Variants in SYNE2 observed in about 807,000 individuals in gnomAD.
SYNE2 encodes nesprin-2.
A neutral mutation model predicts 856.3 loss-of-function variants in SYNE2; 431 were observed. That is an observed-to-expected ratio of 0.50 (90% CI 0.47 to 0.55). SYNE2 has a LOEUF of 0.55. Among genes scored for constraint, SYNE2 ranks in the 20% least tolerant of loss-of-function variants. The probability of loss-of-function intolerance (pLI) is 0.00; values close to 1 mark genes in which losing one functional copy is unlikely to be tolerated. For missense variants in SYNE2, 8,129 were observed against 8,023.2 expected (o/e 1.01, Z -0.50); for synonymous variants, 2,923 against 2,872.3 (o/e 1.02, Z -0.56).
intron 98 of SYNE2, among the ~76,000 whole-genome samples, chr14:64,189,206 C>T (rs984661170): frequency 2.0e-5 from 3 of 151,990 alleles, no homozygotes; most frequent in Non-Finnish European, 2.9e-5. Context: ...TGGTGGTGGG[C>T]ACCTGTAATC....
intron 1 of SYNE2, among the ~76,000 whole-genome samples, chr14:63,897,654 C>A (rs183847699): frequency 6.6e-6 from 1 of 152,198 alleles, no homozygotes; most frequent in Non-Finnish European, 1.5e-5. Context: ...CATTCGCAGC[C>A]GGTGCTGTTC....
chr14:63,998,256 T>A lies in SYNE2; in HGVS notation c.3281T>A (p.Val1094Glu), dbSNP rs758197919. The A allele has an allele frequency of 6.2e-7, 1 of 1,614,068 alleles. No individual in the cohort carries two copies. The highest frequency in any genetic ancestry group is 1.1e-5 in the South Asian group (1 of 91,080). ...EPTMKFSLASVLRPLQEESIM... is the reference protein window; with the variant it reads ...EPTMKFSLASELRPLQEESIM... ...ACTATGAAGTTTAGCCTGGCATCAG[T>A]GTTAAGGCCTCTGCAAGAAGAAAGC... is the stretch of plus-strand genomic sequence containing the variant. Residue 1094 changes from valine to glutamate, a missense_variant, in exon 26 of 116, where the codon GTG becomes GAG. Around this residue, in one of 3 missense-constraint regions of SYNE2, gnomAD observed 2,422 missense variants for 2,357.4 expected, o/e 1.03. Transcript: ENST00000555002.
intron 45 of SYNE2, among the ~76,000 whole-genome samples, chr14:64,032,846 AAAAG>A (rs2153548216): frequency 6.6e-6 from 1 of 152,304 alleles, no homozygotes; most frequent in Admixed American, 6.5e-5. Context: ...TTGTATGTGT[AAAAG>A]AAACTTTTAA....
intron 45 of SYNE2, among the ~76,000 whole-genome samples, chr14:64,042,891 A>T (rs1455611144): frequency 6.6e-6 from 1 of 152,212 alleles, no homozygotes; most frequent in Non-Finnish European, 1.5e-5. Flanking sequence ...GTGACTTAGG[A>T]ACTGGGTAAC....
chr14:64,209,114 G>A (rs747474972), intron 101 of SYNE2, 169 bp downstream of exon 101: 34 of 974,962 alleles, frequency 3.5e-5, no homozygotes, highest in Non-Finnish European at 5.1e-5. Context: ...AAATGTAACC[G>A]GAGTAATGTC....
At chr14:63,799,771 T>C (rs1389365029) in intron 1 of SYNE2, among the ~76,000 whole-genome samples, 1 of 152,196 alleles carries the variant, frequency 6.6e-6, no homozygotes, top group Non-Finnish European at 1.5e-5. Context: ...GGTAAATTAC[T>C]CAAGTATTTC....
rs749283302 is a variant in SYNE2, at chr14:64,212,808, C to T, written c.18862-3C>T. 3 of 1,614,108 alleles carry T rather than the reference C, an allele frequency of 1.9e-6. No homozygotes were observed. The South Asian group carries it at 3.3e-5, about 18-fold the overall frequency. ...AAATCCTTTCTTTCTCCTCTCTCAA[C>T]AGGGCTTCCAACAGGAAATTACATT... On this transcript the variant is annotated splice_polypyrimidine_tract_variant and splice_region_variant and intron_variant, in intron 104 of 115. Coordinates refer to ENST00000555002, the MANE Select transcript of SYNE2 (RefSeq NM_182914.3).
intron 46 of SYNE2, 131 bp from the exon 47 acceptor site, chr14:64,049,476 TTTAG>T (rs2153573414): frequency 5.2e-6 from 3 of 579,476 alleles, no homozygotes; most frequent in African/African-American, 2.1e-5. Context: ...AGGTTACAAC[TTTAG>T]TTACCCTGTG....
chr14:63,858,079 A>G (rs1177334598), intron 1 of SYNE2, among the ~76,000 whole-genome samples: 1 of 151,870 alleles, frequency 6.6e-6, no homozygotes, highest in Non-Finnish European at 1.5e-5. Flanking sequence ...AGGGTGAGAA[A>G]GAAGCAAAAT....
At position 64,226,174 on chromosome 14, in the gene SYNE2, C is replaced by T. The variant is rs2098717443; in HGVS notation, c.*648C>T. 1 of 152,546 alleles carries T rather than the reference C, an allele frequency of 6.6e-6. No homozygotes were observed. Among genetic ancestry groups the T allele is most frequent in the African/African-American group, 2.4e-5 (1 of 41,382 alleles). 9.4% of individuals were successfully genotyped at this position (152,546 alleles called of 1,614,324 possible). ...GCCCAATCTGTATGAATAATGTAAA[C>T]TTCGATTTTTTTTTAAAAAAATTAG... On this transcript the variant is annotated 3_prime_UTR_variant, in exon 116 of 116. Coordinates refer to ENST00000555002, the MANE Select transcript of SYNE2 (RefSeq NM_182914.3).
At chr14:63,895,916 A>G (rs566269633) in intron 1 of SYNE2, among the ~76,000 whole-genome samples, 1 of 152,276 alleles carries the variant, frequency 6.6e-6, no homozygotes, top group South Asian at 2.1e-4. Flanking sequence ...CTGTGACTTA[A>G]TTTATTTATA....
At chr14:64,098,244 G>A in intron 62 of SYNE2, 98 bp downstream of exon 62, 3 of 1,334,856 alleles carry the variant, frequency 2.2e-6, no homozygotes, top group Non-Finnish European at 2.1e-6. Flanking sequence ...TATGTCTATG[G>A]CCTGTAGTAA....
intron 111 of SYNE2, among the ~76,000 whole-genome samples, chr14:64,221,238 T>TTG (rs1226067366): frequency 6.6e-6 from 1 of 152,104 alleles, no homozygotes; most frequent in Non-Finnish European, 1.5e-5. Flanking sequence ...TCCTGTTGGG[T>TTG]TGTTTCCCTC....
At chr14:63,882,507 G>C (rs2094887514) in intron 1 of SYNE2, among the ~76,000 whole-genome samples, 1 of 151,466 alleles carries the variant, frequency 6.6e-6, no homozygotes, top group African/African-American at 2.4e-5. Flanking sequence ...CTTCAGTCCA[G>C]GAGTTCGAGA....
Position 63,981,151 on chromosome 14 carries a change from CAAAG to C in SYNE2, c.1817_1820del (p.Lys606ArgfsTer12). On this transcript the variant is annotated frameshift_variant, in exon 16 of 116. Transcript: ENST00000555002. LOFTEE classifies it high-confidence loss of function. ...TTACTAAGGGCTTGCTTTGAGGAGA[CAAAG>C]AAGGAAGAAATTAAAGAGGTATTTG... 1 of 1,613,432 alleles carries C rather than the reference CAAAG, an allele frequency of 6.2e-7. No homozygotes were observed. Among genetic ancestry groups the C allele is most frequent in the Non-Finnish European group, 8.5e-7 (1 of 1,179,612 alleles).
In SYNE2 at chr14:63,824,862, G is replaced by A. The variant is rs145010303; in HGVS notation, c.-304-27639G>A. On this transcript the variant is annotated intron_variant, in intron 1 of 23. Transcript: ENST00000674003. ...AAGAGTTAGGGACAGATGCCTGGGC[G>A]CAGACTCACACTTGTAAACCCAGCA... 5.1e-3 allele frequency among the ~76,000 whole-genome samples: 768 copies of A among 152,000 alleles called. 8 individuals are homozygous for A. Among genetic ancestry groups the A allele is most frequent in the African/African-American group, 0.017 (716 of 41,430 alleles).
Position 64,132,398 on chromosome 14 carries a change from A to G in SYNE2, c.14474A>G (p.Lys4825Arg), listed in dbSNP as rs2098031527. Residue 4825 changes from lysine (K) to arginine (R), a missense_variant, in exon 77 of 116, where the codon AAG (lysine) becomes AGG (arginine). Lys to Arg is a conservative substitution (Grantham distance 26). This residue lies in a region of SYNE2 where 5,410 missense variants were observed against 5,284.8 expected (regional missense o/e 1.02). Transcript: ENST00000555002. ...ACAGAAGTTAAAATACTAGAAGAAAAGTCACGCCAATGTGGTATGAAGCTG... is the reference window on the plus strand; with the variant it reads ...ACAGAAGTTAAAATACTAGAAGAAAGGTCACGCCAATGTGGTATGAAGCTG... ...QVTEVKILEE[K>R]SRQCGMKLQS... is the part of the protein sequence containing the mutation. 6.2e-7 allele frequency: 1 copy of G among 1,614,228 alleles called. No homozygotes were observed. The highest frequency in any genetic ancestry group is 1.7e-5 in the Admixed American group (1 of 60,028).
intron 1 of SYNE2, among the ~76,000 whole-genome samples, chr14:63,853,886 C>T (rs1203380984): frequency 1.3e-5 from 2 of 152,118 alleles, no homozygotes; most frequent in East Asian, 1.9e-4. Flanking sequence ...GGCACCTTCT[C>T]CTCCTTAGGT....
intron 53 of SYNE2, among the ~76,000 whole-genome samples, chr14:64,074,466 G>T (rs1054298180): frequency 6.6e-6 from 1 of 152,186 alleles, no homozygotes; most frequent in Non-Finnish European, 1.5e-5. Context: ...TCCTTTAGTA[G>T]GACATGGCGC....
Sources: gnomAD v4.1 joint callset for allele counts (sites outside exome capture counted in the v4.1 genomes callset) on GRCh38, gnomAD v4.1.1 for gene constraint, gnomAD v4.1.1 regional missense constraint, MANE v1.5 for transcripts, NCBI Gene and HGNC (gene_info 2026-07-23, HGNC 2026-07-21) for gene names.